Variants in PRKDC observed in about 807,000 individuals in gnomAD.
The protein encoded by PRKDC is DNA-dependent protein kinase catalytic subunit.
Under a neutral mutation model 486.9 loss-of-function variants are expected in PRKDC, and 82 were observed. That is an observed-to-expected ratio of 0.17 (90% CI 0.14 to 0.20). PRKDC has a LOEUF of 0.20. Among genes scored for constraint, PRKDC ranks in the 10% least tolerant of loss-of-function variants. PRKDC has a pLI of 1.00. For missense variants in PRKDC, 4,504 were observed against 5,038.2 expected, an observed-to-expected ratio of 0.89 and a Z score of 3.21; for synonymous variants, 1,895 against 1,837.0, an observed-to-expected ratio of 1.03 and a Z score of -0.81.
chr8:47,953,575 C>T, intron 7 of PRKDC, 45 bp downstream of exon 7: 1 of 1,513,220 alleles, frequency 6.6e-7, no homozygotes, highest in Non-Finnish European at 9.1e-7. Context: ...GCTGGTTAGA[C>T]TTACAGTTTT....
chr8:47,811,838 G>A (rs1197449737), intron 68 of PRKDC, among the ~76,000 whole-genome samples: 1 of 152,098 alleles, frequency 6.6e-6, no homozygotes, highest in Non-Finnish European at 1.5e-5. Context: ...TTAGCTGGGC[G>A]TGGTGGCACA....
Position 47,782,953 on chromosome 8 carries a change from CTGT to C in PRKDC, c.11176-358_11176-356del, listed in dbSNP as rs1219071113. 7.5e-6 allele frequency: 2 copies of C among 267,338 alleles called. No homozygotes were observed. The highest frequency in any genetic ancestry group is 2.2e-5 in the African/African-American group (1 of 45,716). 16.6% of individuals were successfully genotyped at this position (267,338 alleles called of 1,614,324 possible). On this transcript the variant is annotated intron_variant, in intron 78 of 85. Transcript: ENST00000314191. This position sits in a 1 kb window ranked among gnomAD's most constrained non-coding sequence, Gnocchi z 4.9. The stretch of plus-strand genomic sequence containing the variant: ...TGAGTTTATGATATCTTAAATAGAA[CTGT>C]TGTTCAAACACTGGAGACATAATAT...
intron 54 of PRKDC, among the ~76,000 whole-genome samples, chr8:47,841,645 C>T (rs2154499924): frequency 6.6e-6 from 1 of 152,312 alleles, no homozygotes; most frequent in African/African-American, 2.4e-5. Context: ...AGAACTTAAG[C>T]TCTGCTTAGA....
chr8:47,826,933 A>G, intron 62 of PRKDC, 72 bp from the exon 63 acceptor site: 1 of 1,393,202 alleles, frequency 7.2e-7, no homozygotes, highest in Non-Finnish European at 9.6e-7. Context: ...GGAGTAACAT[A>G]CTTTACTAAA....
chr8:47,800,897 C>A lies in PRKDC; in HGVS notation c.10012G>T (p.Ala3338Ser). ...GCTGGCTCACTGCTGAGAGCATTCGCTATGATCCTGTAAGTTGTACCCAAG... is the reference window on the plus strand; with the variant it reads ...GCTGGCTCACTGCTGAGAGCATTCGATATGATCCTGTAAGTTGTACCCAAG... ...ILLGTTYRIIANALSSEPACL... is the reference protein window; with the variant it reads ...ILLGTTYRIISNALSSEPACL... Residue 3338 changes from alanine (A) to serine (S), a missense_variant, in exon 71 of 86, where the codon GCG (alanine) becomes TCG (serine). Physicochemically the swap from Ala to Ser is moderately conservative, Grantham distance 99 (BLOSUM62 1). Transcript: ENST00000314191. The A allele has an allele frequency of 6.2e-7, 1 of 1,613,888 alleles. No homozygotes were observed. The highest frequency in any genetic ancestry group is 8.5e-7 in the Non-Finnish European group (1 of 1,179,876).
Position 47,915,471 on chromosome 8 carries a change from A to C in PRKDC, c.2527-53T>G, listed in dbSNP as rs2089969642. The stretch of plus-strand genomic sequence containing the variant: ...TGATTACAAATGGGTTAAAGATTAA[A>C]TAGAAGACATAGGAAAAAACTCTTT... On this transcript the variant is annotated intron_variant, in intron 22 of 85. Transcript: ENST00000314191. 4 of 1,104,934 alleles carry C rather than the reference A, an allele frequency of 3.6e-6. No individual in the cohort carries two copies. In the Middle Eastern group the frequency reaches 8.5e-4, roughly 235 times the overall value. The allele number at this position is 1,104,934 out of a possible 1,614,324, so 68.4% of individuals were successfully genotyped here.
chr8:47,826,879 C>A lies in PRKDC; in HGVS notation c.8578-18G>T, dbSNP rs4873728. 115,864 of 1,550,242 alleles carry A rather than the reference C, an allele frequency of 0.075. 7,537 individuals carry two copies. Among genetic ancestry groups the A allele is most frequent in the Admixed American group, 0.27 (14,463 of 53,170 alleles). On this transcript the variant is annotated intron_variant, in intron 62 of 85. Transcript: ENST00000314191. ...CTAATGTCCTGTGAAACCACACATA[C>A]AACCAGCTGTTTAGCTTGTGGTACT... is the stretch of plus-strand genomic sequence containing the variant.
At position 47,849,460 on chromosome 8, in the gene PRKDC, T is replaced by C; in HGVS notation, c.7049A>G (p.Lys2350Arg). The C allele has an allele frequency of 6.2e-7, 1 of 1,614,052 alleles. No individual in the cohort carries two copies. The highest frequency in any genetic ancestry group is 8.5e-7 in the Non-Finnish European group (1 of 1,179,896). The change falls in exon 53 of 86, where the codon AAG (lysine) becomes AGG (arginine). Residue 2350 changes from lysine to arginine, a missense_variant. Lys to Arg is a conservative substitution (Grantham distance 26). Transcript: ENST00000314191. ...SLCELVAKQL[K>R]QHQNTMEDKF... ...GTCCTCCATAGTATTCTGATGTTGCTTCAATTGTTTCGCAACCAGTTCACA... is the reference window on the plus strand; with the variant it reads ...GTCCTCCATAGTATTCTGATGTTGCCTCAATTGTTTCGCAACCAGTTCACA...
At chr8:47,804,031 A>T (rs2154498377) in intron 69 of PRKDC, among the ~76,000 whole-genome samples, 1 of 152,200 alleles carries the variant, frequency 6.6e-6, no homozygotes, top group South Asian at 2.1e-4. Flanking sequence ...CCCTAATTCC[A>T]GAACATTTTC....
intron 7 of PRKDC, among the ~76,000 whole-genome samples, chr8:47,952,822 G>A (rs1029078791): frequency 6.6e-6 from 1 of 151,928 alleles, no homozygotes; most frequent in African/African-American, 2.4e-5. Flanking sequence ...TGGCCAACAT[G>A]GTGAAACCCC....
At chr8:47,928,045 GA>G (rs2154503448) in intron 19 of PRKDC, among the ~76,000 whole-genome samples, 155 bp from the exon 20 acceptor site, 1 of 151,962 alleles carries the variant, frequency 6.6e-6, no homozygotes, top group Admixed American at 6.5e-5. Context: ...TAACCTCCAG[GA>G]AAGTTAATTT....
intron 69 of PRKDC, 44 bp downstream of exon 69, chr8:47,807,093 C>T: frequency 6.4e-7 from 1 of 1,558,210 alleles, no homozygotes; most frequent in South Asian, 1.2e-5. Context: ...GCTAATTTAG[C>T]AAAATCCTGT....
At position 47,794,280 on chromosome 8, in the gene PRKDC, T is replaced by C. The variant is rs748725956; in HGVS notation, c.10670+10A>G. ...TTTGATCAACCTATTCCTTCTGTAA[T>C]ATTACCTACCTTGCCACAAACTCCT... On this transcript the variant is annotated intron_variant, in intron 74 of 85. Coordinates refer to ENST00000314191, the MANE Select transcript of PRKDC (RefSeq NM_006904.7). 4 of 1,599,352 alleles carry C rather than the reference T, an allele frequency of 2.5e-6. No homozygotes were observed. The highest frequency in any genetic ancestry group is 3.4e-5 in the Admixed American group (2 of 58,988).
chr8:47,841,187 G>C (rs1017786997), intron 54 of PRKDC, among the ~76,000 whole-genome samples: 1 of 152,192 alleles, frequency 6.6e-6, no homozygotes, highest in Non-Finnish European at 1.5e-5. Flanking sequence ...TGAATTGGTA[G>C]GGAACTGTCA....
In PRKDC at chr8:47,776,973, T is replaced by G. The variant is rs2154497272; in HGVS notation, c.12053A>C (p.Gln4018Pro). 6.2e-7 allele frequency: 1 copy of G among 1,609,538 alleles called. No homozygotes were observed. The highest frequency in any genetic ancestry group is 1.1e-5 in the South Asian group (1 of 90,112). Residue 4018 changes from glutamine (Q) to proline (P), a missense_variant, in exon 85 of 86, where the codon CAG becomes CCG. This residue lies in a region of PRKDC where 706 missense variants were observed against 945.0 expected (regional missense o/e 0.75). Coordinates refer to ENST00000314191, the MANE Select transcript of PRKDC (RefSeq NM_006904.7). ...EPSFDWKNFE[Q>P]KMLKKGGSWI... ...TGACCCTCCTTTTTTCAGCATTTTCTGTTCAAAATTCTAGAAGAAAAGAAC... is the reference window on the plus strand; with the variant it reads ...TGACCCTCCTTTTTTCAGCATTTTCGGTTCAAAATTCTAGAAGAAAAGAAC...
intron 18 of PRKDC, 89 bp downstream of exon 18, chr8:47,929,764 T>G (rs938752258): frequency 4.1e-5 from 55 of 1,328,220 alleles, no homozygotes; most frequent in Non-Finnish European, 5.4e-5. Flanking sequence ...TAAAACTGCA[T>G]AGGCCACAAT....
At chr8:47,947,348 A>G (rs2090551273) in intron 7 of PRKDC, among the ~76,000 whole-genome samples, 1 of 152,198 alleles carries the variant, frequency 6.6e-6, no homozygotes, top group Non-Finnish European at 1.5e-5. Flanking sequence ...GGCACTGCTG[A>G]ACCCCAAAAT....
At chr8:47,946,042 C>T (rs10089268) in intron 7 of PRKDC, among the ~76,000 whole-genome samples, 150,764 of 152,032 alleles carry the variant, frequency 0.99, 74,754 homozygotes, top group East Asian at 1. Flanking sequence ...TTTTAAACCC[C>T]CTCTTGGCCA....
intron 59 of PRKDC, 36 bp downstream of exon 59, chr8:47,834,160 G>A: frequency 6.2e-7 from 1 of 1,610,076 alleles, no homozygotes; most frequent in South Asian, 1.1e-5. Context: ...ATTTAGTGGG[G>A]AAGCTATTTT....
Sources: gnomAD v4.1 joint callset for allele counts (sites outside exome capture counted in the v4.1 genomes callset) on GRCh38, gnomAD v4.1.1 for gene constraint, gnomAD v4.1.1 regional missense constraint, Gnocchi (gnomAD v3.1) non-coding constraint, MANE v1.5 for transcripts, NCBI Gene and HGNC (gene_info 2026-07-23, HGNC 2026-07-21) for gene names.